Variants in PFKP observed in about 807,000 individuals in gnomAD.
PFKP encodes the protein phosphofructokinase, platelet, also known as ATP-dependent 6-phosphofructokinase, platelet type.
Under a neutral mutation model 94.3 loss-of-function variants are expected in PFKP, and 101 were observed. The observed-to-expected ratio is 1.07, with a 90% CI of 0.91 to 1.26. PFKP has a LOEUF of 1.26. PFKP is among the 50% of genes most tolerant of loss of function. The pLI, the probability that PFKP is intolerant of heterozygous loss-of-function variation, is 0.00. For synonymous variants in PFKP, 573 were observed against 432.6 expected (o/e 1.32, Z -4.03); for missense variants, 1,145 against 1,103.3 (o/e 1.04, Z -0.53).
At chr10:3,074,357 C>T (rs1012386244) in intron 1 of PFKP, among the ~76,000 whole-genome samples, 1 of 152,150 alleles carries the variant, frequency 6.6e-6, no homozygotes, top group African/African-American at 2.4e-5. Flanking sequence ...TTGACCTGAC[C>T]TGACAGTGAG....
chr10:3,122,872 C>CAGCAT (rs1837566958), intron 16 of PFKP, among the ~76,000 whole-genome samples: 1 of 152,192 alleles, frequency 6.6e-6, no homozygotes. Context: ...GGGATGCTCC[C>CAGCAT]AGCATCTGGG....
At chr10:3,082,357 T>TA (rs1564271234) in intron 1 of PFKP, 31 bp from the exon 2 acceptor site, 1 of 1,571,104 alleles carries the variant, frequency 6.4e-7, no homozygotes, top group Admixed American at 1.7e-5. Context: ...CCCGGGCTCT[T>TA]CAGTGACTCT....
chr10:3,123,295 C>T (rs559965707), intron 16 of PFKP, among the ~76,000 whole-genome samples: 1 of 152,324 alleles, frequency 6.6e-6, no homozygotes, highest in East Asian at 1.9e-4. Context: ...CGTCAGCTGC[C>T]GCGAAGGTGG....
At chr10:3,118,571 A>T (rs1397421841) in intron 14 of PFKP, among the ~76,000 whole-genome samples, 1 of 152,116 alleles carries the variant, frequency 6.6e-6, no homozygotes, top group Admixed American at 6.5e-5. Context: ...GCTTTATTCC[A>T]TTTTCTCATG....
intron 2 of PFKP, among the ~76,000 whole-genome samples, chr10:3,098,077 A>G (rs896198324): frequency 1.3e-5 from 2 of 152,172 alleles, no homozygotes; most frequent in African/African-American, 4.8e-5. Context: ...ATATAAGTAT[A>G]CAAATTGGCC....
chr10:3,121,579 CTGTT>C (rs752531097), intron 16 of PFKP, among the ~76,000 whole-genome samples: 1 of 85,212 alleles, frequency 1.2e-5, no homozygotes, highest in African/African-American at 4.6e-5. Flanking sequence ...CTATAAATAA[CTGTT>C]TTTTTTTTTT....
At chr10:3,082,034 C>CTCCATT (rs1386632351) in intron 1 of PFKP, among the ~76,000 whole-genome samples, 3 of 106,202 alleles carry the variant, frequency 2.8e-5, no homozygotes, top group African/African-American at 1.1e-4. Context: ...TGATGTGATA[C>CTCCATT]TCCATTTTTC....
intron 2 of PFKP, among the ~76,000 whole-genome samples, chr10:3,089,871 C>T (rs981795448): frequency 1.3e-5 from 2 of 152,058 alleles, no homozygotes; most frequent in Non-Finnish European, 2.9e-5. Flanking sequence ...ACCCCTGCTT[C>T]CTTCTACTTT....
At chr10:3,076,015 C>T (rs1416075972) in intron 1 of PFKP, among the ~76,000 whole-genome samples, 1 of 68,230 alleles carries the variant, frequency 1.5e-5, no homozygotes, top group African/African-American at 6.6e-5. Flanking sequence ...GAGACTCCGT[C>T]TCAAAAAAAA....
chr10:3,082,304 C>T (rs745675746), intron 1 of PFKP, 84 bp from the exon 2 acceptor site: 120 of 931,396 alleles, frequency 1.3e-4, no homozygotes, highest in Non-Finnish European at 1.8e-4. Flanking sequence ...GGTTAGGAAA[C>T]GGACCCATGG....
intron 13 of PFKP, among the ~76,000 whole-genome samples, chr10:3,116,281 G>A (rs77783563): frequency 0.024 from 3,634 of 152,224 alleles, 68 homozygotes; most frequent in South Asian, 0.043. Context: ...TCTCGTGACC[G>A]GAAGCTGCGG....
intron 1 of PFKP, chr10:3,069,319 A>G (rs1832004654): frequency 2.6e-6 from 4 of 1,565,892 alleles, no homozygotes; most frequent in Non-Finnish European, 3.5e-6. Flanking sequence ...AGAGGATGGG[A>G]TTGAAGAAAC....
chr10:3,081,544 G>C (rs1343490289), intron 1 of PFKP, among the ~76,000 whole-genome samples: 1 of 152,238 alleles, frequency 6.6e-6, no homozygotes, highest in Admixed American at 6.5e-5. Flanking sequence ...CTGCATGGCT[G>C]TGGGTGCGGC....
chr10:3,127,301 CA>C (rs1218429494), intron 16 of PFKP, among the ~76,000 whole-genome samples: 23 of 152,370 alleles, frequency 1.5e-4, no homozygotes, highest in Middle Eastern at 3.4e-3. Context: ...TGCGCTGTTC[CA>C]CAGCCCCCTG....
rs5782682 is a variant in PFKP at position 3,098,672 on chromosome 10, CAAAAA to C, written c.187-589_187-585del. 7.5e-5 allele frequency among the ~76,000 whole-genome samples: 8 copies of C among 107,162 alleles called. No individual in the cohort carries two copies. In the East Asian group the frequency reaches 1.8e-3, roughly 24 times the overall value. The allele number at this position is 107,162 out of a possible 152,430, so 70.3% of individuals were successfully genotyped here. On this transcript the variant is annotated intron_variant, in intron 2 of 21. Transcript: ENST00000381125. Reference sequence around the variant, plus strand: ...TGGGTGACAGAGTGAGACTCCGTCTCAAAAAAAAAAAAAAAAAAGGTAATTGTCCT... The same window carrying C: ...TGGGTGACAGAGTGAGACTCCGTCTCAAAAAAAAAAAAAGGTAATTGTCCT...
chr10:3,102,843 T>C (rs1355244663), intron 4 of PFKP, among the ~76,000 whole-genome samples: 1 of 152,228 alleles, frequency 6.6e-6, no homozygotes, highest in Non-Finnish European at 1.5e-5. Context: ...TCGTAGGGGA[T>C]GGAGAAGGCT....
chr10:3,076,582 C>A (rs1832614384), intron 1 of PFKP, among the ~76,000 whole-genome samples: 1 of 152,114 alleles, frequency 6.6e-6, no homozygotes, highest in Admixed American at 6.5e-5. Context: ...TTCTCCTTAG[C>A]ACTTACGGCC....
chr10:3,082,250 AGT>A (rs1422576759), intron 1 of PFKP, 136 bp from the exon 2 acceptor site: 4 of 511,798 alleles, frequency 7.8e-6, no homozygotes, highest in Non-Finnish European at 1.1e-5. Context: ...ATCCCAGAGG[AGT>A]GTGTGTACCC....
At chr10:3,076,249 G>A (rs975760942) in intron 1 of PFKP, among the ~76,000 whole-genome samples, 2 of 152,136 alleles carry the variant, frequency 1.3e-5, no homozygotes, top group African/African-American at 4.8e-5. Context: ...TCACGCAATG[G>A]GTGGCGTGTG....
Sources: allele counts gnomAD v4.1 joint callset (sites outside exome capture counted in the v4.1 genomes callset), GRCh38; gene constraint gnomAD v4.1.1; transcripts MANE v1.5; gene names NCBI Gene and HGNC (gene_info 2026-07-23, HGNC 2026-07-21).